The following AIM2 variants were observed in gnomAD, a reference collection of about 807,000 sequenced individuals.
AIM2 encodes the protein interferon-inducible protein AIM2.
In AIM2, 30 loss-of-function variants were observed where a neutral mutation model predicts 27.7. The ratio of observed to expected loss-of-function variants is 1.08; its 90% CI spans 0.81 to 1.47. The LOEUF (loss-of-function observed/expected upper bound fraction) is 1.47. Ranked by LOEUF, AIM2 falls within the 40% of genes most tolerant of loss-of-function variation. The probability of loss-of-function intolerance (pLI) is 0.00; values close to 1 mark genes in which losing one functional copy is unlikely to be tolerated. For synonymous variants in AIM2, 141 were observed against 145.3 expected (o/e 0.97, Z 0.21); for missense variants, 358 against 411.3 (o/e 0.87, Z 1.12).
intron 1 of AIM2, among the ~76,000 whole-genome samples, chr1:159,122,973 T>C (rs1176061297): frequency 6.6e-6 from 1 of 152,186 alleles, no homozygotes; most frequent in Non-Finnish European, 1.5e-5. Flanking sequence ...CCTGAGGCTA[T>C]AAAAACTTTG....
chr1:159,066,362 A>C, intron 3 of AIM2, 33 bp from the exon 4 acceptor site: 1 of 1,578,238 alleles, frequency 6.3e-7, no homozygotes, highest in Non-Finnish European at 8.6e-7. Flanking sequence ...ATCAGCTGTG[A>C]GTCAAAAAGG....
chr1:159,127,310 C>T (rs958005308), intron 1 of AIM2, among the ~76,000 whole-genome samples: 2 of 152,134 alleles, frequency 1.3e-5, no homozygotes, highest in Non-Finnish European at 2.9e-5. Flanking sequence ...ATTAATGTAA[C>T]CCAAATGTGC....
intron 1 of AIM2, among the ~76,000 whole-genome samples, chr1:159,129,100 G>C (rs372146174): frequency 6.6e-6 from 1 of 152,282 alleles, no homozygotes; most frequent in East Asian, 1.9e-4. Flanking sequence ...TGTAGATTTA[G>C]GGCGGGCCTG....
At chr1:159,111,280 T>C (rs1353145612) in intron 1 of AIM2, among the ~76,000 whole-genome samples, 1 of 152,226 alleles carries the variant, frequency 6.6e-6, no homozygotes, top group Non-Finnish European at 1.5e-5. Flanking sequence ...TGGGTATGTG[T>C]AGCCTTGTTC....
chr1:159,060,507 A>G (rs1365475974), downstream of AIM2, among the ~76,000 whole-genome samples: 1 of 152,242 alleles, frequency 6.6e-6, no homozygotes, highest in East Asian at 1.9e-4. Context: ...AAGTTAAGAT[A>G]GAGAATAGTT....
chr1:159,133,173 T>TTCTCTC (rs146143896), intron 1 of AIM2, among the ~76,000 whole-genome samples: 5 of 149,496 alleles, frequency 3.3e-5, no homozygotes, highest in Non-Finnish European at 5.9e-5. Flanking sequence ...CTTGCTCTTG[T>TTCTCTC]TCTCTCTCTC....
intron 1 of AIM2, among the ~76,000 whole-genome samples, chr1:159,128,433 TTG>T (rs1647779201): frequency 6.6e-6 from 1 of 152,314 alleles, no homozygotes; most frequent in South Asian, 2.1e-4. Context: ...CCAGATTTTT[TTG>T]TGTGTTTAAA....
chr1:159,145,650 TA>T, intron 1 of AIM2, among the ~76,000 whole-genome samples: 1 of 152,248 alleles, frequency 6.6e-6, no homozygotes. Flanking sequence ...CAATCTATCT[TA>T]ACAATGGGCT....
At chr1:159,056,717 C>CAAAAAAAAA in the AIM2 span, among the ~76,000 whole-genome samples, 9 of 44,210 alleles carry the variant, frequency 2.0e-4, 2 homozygotes, top group Admixed American at 3.6e-4. Flanking sequence ...GCCCAACCGG[C>CAAAAAAAAA]AAAAAAAAAA....
chr1:159,117,151 A>C (rs1647378529), intron 1 of AIM2, among the ~76,000 whole-genome samples: 1 of 152,242 alleles, frequency 6.6e-6, no homozygotes. Flanking sequence ...AGGGCAAAAC[A>C]TCTTGGAAGG....
intron 2 of AIM2, among the ~76,000 whole-genome samples, chr1:159,071,921 T>C: frequency 6.6e-6 from 1 of 151,996 alleles, no homozygotes; most frequent in East Asian, 1.9e-4. Flanking sequence ...GGATCTTTTT[T>C]AGCTAAGCAG....
upstream of AIM2, among the ~76,000 whole-genome samples, chr1:159,079,919 T>C (rs1262543204): frequency 1.3e-5 from 2 of 152,318 alleles, no homozygotes; most frequent in East Asian, 1.9e-4. Context: ...TGGAATTTCA[T>C]ATAGTTGAAG....
intron 1 of AIM2, among the ~76,000 whole-genome samples, chr1:159,085,149 G>A (rs144842252): frequency 6.6e-6 from 1 of 152,232 alleles, no homozygotes; most frequent in African/African-American, 2.4e-5. Context: ...ACTCCATGGA[G>A]AGCCAGGTTC....
intron 4 of AIM2, among the ~76,000 whole-genome samples, chr1:159,065,580 G>A (rs916422933): frequency 1.3e-5 from 2 of 152,110 alleles, no homozygotes; most frequent in African/African-American, 2.4e-5. Context: ...TTAAAATAAA[G>A]ATAATCACAA....
chr1:159,138,124 G>A (rs910188665), intron 1 of AIM2, among the ~76,000 whole-genome samples: 1 of 152,164 alleles, frequency 6.6e-6, no homozygotes, highest in Non-Finnish European at 1.5e-5. Flanking sequence ...TTTCATTGCA[G>A]GTTAGTAGAG....
intron 1 of AIM2, among the ~76,000 whole-genome samples, chr1:159,128,953 C>G (rs1647798665): frequency 6.6e-6 from 1 of 152,186 alleles, no homozygotes; most frequent in Non-Finnish European, 1.5e-5. Flanking sequence ...CATCCAATCT[C>G]CTAACTGCAG....
intron 1 of AIM2, among the ~76,000 whole-genome samples, chr1:159,115,584 A>G (rs181585340): frequency 2.0e-5 from 3 of 152,358 alleles, no homozygotes; most frequent in African/African-American, 7.2e-5. Context: ...AAAACGGGGA[A>G]ACGATTCCCT....
chr1:159,143,949 A>G (rs1648159951), upstream of AIM2, among the ~76,000 whole-genome samples: 1 of 152,218 alleles, frequency 6.6e-6, no homozygotes, highest in Admixed American at 6.5e-5. Flanking sequence ...CAAATAAAAT[A>G]ACAATTTGCA....
chr1:159,125,522 T>C (rs754219976), intron 1 of AIM2, among the ~76,000 whole-genome samples: 40 of 152,096 alleles, frequency 2.6e-4, no homozygotes, highest in Non-Finnish European at 2.2e-4. Context: ...TAAATGACAA[T>C]ACAAAGAATT....
Sources: gnomAD v4.1 joint callset for allele counts (sites outside exome capture counted in the v4.1 genomes callset) on GRCh38, gnomAD v4.1.1 for gene constraint, MANE v1.5 for transcripts, NCBI Gene and HGNC (gene_info 2026-07-23, HGNC 2026-07-21) for gene names.